KAZN: variants seen among roughly 807,000 people sequenced by gnomAD.
KAZN encodes kazrin, periplakin interacting protein.
KAZN carries 40 observed loss-of-function variants against 87.4 expected under a neutral mutation model. The ratio of observed to expected loss-of-function variants is 0.46; its 90% CI spans 0.36 to 0.60. The LOEUF (loss-of-function observed/expected upper bound fraction) is 0.60, where lower values mean the gene tolerates loss of function less well. Among genes scored for constraint, KAZN ranks in the 20% least tolerant of loss-of-function variants. The pLI is 0.00. For synonymous variants in KAZN, 466 were observed against 458.3 expected (o/e 1.02, Z -0.22); for missense variants, 898 against 1,073.9 (o/e 0.84, Z 2.29).
At chr1:14,551,514 A>G (rs1673518854) in intron 2 of KAZN, among the ~76,000 whole-genome samples, 1 of 152,198 alleles carries the variant, frequency 6.6e-6, no homozygotes, top group Non-Finnish European at 1.5e-5. Context: ...AAAAGCACTC[A>G]ATAAATATCT....
intron 1 of KAZN, among the ~76,000 whole-genome samples, chr1:14,886,819 T>C (rs182980381): frequency 4.6e-5 from 7 of 152,286 alleles, no homozygotes; most frequent in Non-Finnish European, 8.8e-5. Context: ...CATGCATATG[T>C]CTTTACATGT....
intron 1 of KAZN, among the ~76,000 whole-genome samples, chr1:14,135,399 G>A (rs951493248): frequency 1.3e-5 from 2 of 152,324 alleles, no homozygotes; most frequent in East Asian, 1.9e-4. Flanking sequence ...CTTAAAAGTT[G>A]ACATTCTTCC....
chr1:14,763,264 C>T (rs1366372670), intron 1 of KAZN, among the ~76,000 whole-genome samples: 1 of 152,216 alleles, frequency 6.6e-6, no homozygotes, highest in Non-Finnish European at 1.5e-5. Context: ...AGTTGAGGAG[C>T]TGTTTCCGTC....
chr1:14,781,556 T>G (rs955028157), intron 1 of KAZN, among the ~76,000 whole-genome samples: 4 of 152,162 alleles, frequency 2.6e-5, no homozygotes, highest in Non-Finnish European at 2.9e-5. Flanking sequence ...TAAGAGCAAA[T>G]GAAGATGTTG....
intron 1 of KAZN, among the ~76,000 whole-genome samples, chr1:14,809,238 G>A (rs545252463): frequency 1.5e-4 from 23 of 152,310 alleles, no homozygotes; most frequent in African/African-American, 5.3e-4. Context: ...AAGCCAAGTG[G>A]GTGTTGGGCC....
intron 2 of KAZN, among the ~76,000 whole-genome samples, chr1:14,481,251 T>A (rs868762954): frequency 6.6e-5 from 10 of 152,184 alleles, no homozygotes; most frequent in African/African-American, 1.9e-4. Context: ...GTAGGATTGA[T>A]AAAAGTACCT....
Position 15,060,276 on chromosome 1 carries a change from C to G in KAZN, c.1021C>G (p.Arg341Gly). Reference protein sequence around the residue: ...SSTPSDINSPRHRTHSLCNGD... With the variant: ...SSTPSDINSPGHRTHSLCNGD... ...CACACCGAGCGACATCAACTCCCCT[C>G]GACACCGGACACACTCCCTCTGCAA... Residue 341 changes from arginine (R) to glycine (G), a missense_variant, in exon 6 of 15, where the codon CGA (arginine) becomes GGA (glycine). Arg to Gly is a moderately radical substitution (Grantham distance 125). Around this residue, in one of 3 missense-constraint regions of KAZN, gnomAD observed 521 missense variants for 689.4 expected, o/e 0.76. Coordinates refer to ENST00000376030, the MANE Select transcript of KAZN (RefSeq NM_201628.3). 2 of 1,614,202 alleles carry G rather than the reference C, an allele frequency of 1.2e-6. No individual in the cohort carries two copies. Among genetic ancestry groups the G allele is most frequent in the Non-Finnish European group, 1.7e-6 (2 of 1,180,030 alleles).
At chr1:14,051,120 G>A (rs995267140) in intron 1 of KAZN, among the ~76,000 whole-genome samples, 2 of 152,180 alleles carry the variant, frequency 1.3e-5, no homozygotes, top group African/African-American at 2.4e-5. Flanking sequence ...GTCAGTGGAT[G>A]GAAAATTTCT....
At chr1:14,783,420 G>A (rs534477893) in intron 1 of KAZN, among the ~76,000 whole-genome samples, 57 of 152,102 alleles carry the variant, frequency 3.7e-4, no homozygotes, top group Non-Finnish European at 6.0e-4. Context: ...CGGTGACCCC[G>A]AGAAGCCAAG....
intron 1 of KAZN, among the ~76,000 whole-genome samples, chr1:14,825,698 C>T (rs1164180746): frequency 6.6e-6 from 1 of 152,196 alleles, no homozygotes. Context: ...AGCCTGTGCA[C>T]TTAATCCCCA....
rs995202662 is a variant in KAZN at position 14,499,480 on chromosome 1, G to A, written c.250-99503G>A. Among the ~76,000 whole-genome samples the A allele has an allele frequency of 5.9e-5, 9 of 152,250 alleles. No homozygotes were observed. The East Asian group carries it at 1.5e-3, about 26-fold the overall frequency. ...GCTGTCCTGCCTTTCTTTCTGGGAG[G>A]AGCTGGCTGTGGGCGCCAGGATTGT... On this transcript the variant is annotated intron_variant, in intron 2 of 16. Transcript: ENST00000636203.
intron 1 of KAZN, among the ~76,000 whole-genome samples, chr1:14,727,741 C>T (rs1436377862): frequency 3.3e-5 from 5 of 151,474 alleles, no homozygotes; most frequent in East Asian, 4.0e-4. Context: ...GTTGGGATTA[C>T]AGGCGTGAGC....
intron 1 of KAZN, among the ~76,000 whole-genome samples, chr1:13,977,595 C>T (rs1638426682): frequency 6.6e-6 from 1 of 152,196 alleles, no homozygotes; most frequent in Non-Finnish European, 1.5e-5. Flanking sequence ...CATGTCAACT[C>T]CACTTTTTCT....
At chr1:14,024,627 A>C (rs932406) in intron 1 of KAZN, among the ~76,000 whole-genome samples, 71,837 of 152,036 alleles carry the variant, frequency 0.47, 18,019 homozygotes, top group Admixed American at 0.61. Flanking sequence ...CTTGAAGGTA[A>C]TTCCTGGAGG....
chr1:14,659,497 T>G (rs1443489086), intron 1 of KAZN, among the ~76,000 whole-genome samples: 3 of 152,018 alleles, frequency 2.0e-5, no homozygotes, highest in Non-Finnish European at 4.4e-5. Flanking sequence ...GTCCAAAGAG[T>G]TCCTTTTCCT....
rs1671225246 is a variant in KAZN at position 15,026,951 on chromosome 1, G to C, written c.419-7798G>C. Among the ~76,000 whole-genome samples the C allele has an allele frequency of 2.0e-5, 3 of 151,908 alleles. No homozygotes were observed. The South Asian group carries it at 6.2e-4, about 32-fold the overall frequency. The stretch of plus-strand genomic sequence containing the variant: ...TGAGCATCGGTGGATTTTGGTATTT[G>C]GGGGAGCTCCTGGAACCAATGCCAC... On this transcript the variant is annotated intron_variant, in intron 2 of 14. Transcript: ENST00000376030.
chr1:14,452,543 C>T (rs1409900778), intron 2 of KAZN, among the ~76,000 whole-genome samples: 1 of 152,224 alleles, frequency 6.6e-6, no homozygotes, highest in East Asian at 1.9e-4. Context: ...TATGACTCTT[C>T]ATCAAGACCC....
At chr1:14,062,836 G>C (rs1346646148) in intron 1 of KAZN, among the ~76,000 whole-genome samples, 3 of 152,060 alleles carry the variant, frequency 2.0e-5, no homozygotes, top group Non-Finnish European at 4.4e-5. Flanking sequence ...AGTGTTCAGG[G>C]AAGGCAGCTT....
chr1:14,960,716 G>A lies in KAZN; in HGVS notation c.259G>A (p.Glu87Lys). The change falls in exon 2 of 15, where the codon GAG (glutamate) becomes AAG (lysine). Residue 87 changes from glutamate (E) to lysine (K), a missense_variant. By Grantham distance (56) the Glu-to-Lys change is moderately conservative. Coordinates refer to ENST00000376030, the MANE Select transcript of KAZN (RefSeq NM_201628.3). ...GCGGGAAGAAGTGTCGCGGCTCCAG[G>A]AGGAAGTTCACCTTCTCCGGCAGAT... ...LLREEVSRLQEEVHLLRQMKE... is the reference protein window; with the variant it reads ...LLREEVSRLQKEVHLLRQMKE... The A allele has an allele frequency of 6.3e-7, 1 of 1,580,994 alleles. No individual in the cohort carries two copies. Among genetic ancestry groups the A allele is most frequent in the Non-Finnish European group, 8.6e-7 (1 of 1,162,416 alleles).
Sources: gnomAD v4.1 joint callset for allele counts (sites outside exome capture counted in the v4.1 genomes callset) on GRCh38, gnomAD v4.1.1 for gene constraint, gnomAD v4.1.1 regional missense constraint, MANE v1.5 for transcripts, NCBI Gene and HGNC (gene_info 2026-07-23, HGNC 2026-07-21) for gene names.